Variants in BARHL2 observed in about 807,000 individuals in gnomAD.
BARHL2 encodes the protein BarH like homeobox 2.
In BARHL2, 10 loss-of-function variants were observed where a neutral mutation model predicts 27.1. That is an observed-to-expected ratio of 0.37 (90% CI 0.23 to 0.63). The LOEUF is 0.63. Ranked by LOEUF, BARHL2 falls within the 20% of genes least tolerant of loss-of-function variation. The probability of loss-of-function intolerance (pLI) is 0.65; values close to 1 mark genes in which losing one functional copy is unlikely to be tolerated. For synonymous variants in BARHL2, 248 were observed against 224.7 expected (o/e 1.10, Z -0.93); for missense variants, 483 against 533.5 (o/e 0.91, Z 0.93).
chr1:90,712,434 G>A lies in BARHL2; in HGVS notation c.1042C>T (p.Pro348Ser). 1 of 1,611,682 alleles carries A rather than the reference G, an allele frequency of 6.2e-7. No homozygotes were observed. The highest frequency in any genetic ancestry group is 8.5e-7 in the Non-Finnish European group (1 of 1,178,930). ...AGGGGCCGCTGCAGCTGGGGATGGG[G>A]TGCTGGAGGAGTCCGGTACATGCTG... ...YSSMYRTPPAPHPQLQRPLVP... is the reference protein window; with the variant it reads ...YSSMYRTPPASHPQLQRPLVP... The change falls in exon 3 of 3, where the codon CCC becomes TCC. Residue 348 changes from proline to serine, a missense_variant. Physicochemically the swap from Pro to Ser is moderately conservative, Grantham distance 74. Transcript: ENST00000370445.
At position 90,716,899 on chromosome 1, in the gene BARHL2, C is replaced by T; in HGVS notation, c.297G>A (p.Ala99=). The change falls in exon 1 of 3, where the codon GCG becomes GCA. Residue 99 remains alanine, a synonymous_variant. Transcript: ENST00000370445. ...AAGGCTGCAAACTTTGCGTCGGGGC[C>T]GCGGCCGGCGGCGGCGGCTGCTGGC... ...HHSQQPPPPA[A]APTQSLQPLP... 6.3e-7 allele frequency: 1 copy of T among 1,599,238 alleles called. No individual in the cohort carries two copies. Among genetic ancestry groups the T allele is most frequent in the Non-Finnish European group, 8.5e-7 (1 of 1,174,320 alleles).
In BARHL2 at chr1:90,712,213, A is replaced by T; in HGVS notation, c.*99T>A. ...TCCTCTGCCTTCCAGAGTTGGCTGCAAGGGAGGCCTAGTGGCCTGGAGCAG... is the reference window on the plus strand; with the variant it reads ...TCCTCTGCCTTCCAGAGTTGGCTGCTAGGGAGGCCTAGTGGCCTGGAGCAG... On this transcript the variant is annotated 3_prime_UTR_variant, in exon 3 of 3. Transcript: ENST00000370445. 7.8e-7 allele frequency: 1 copy of T among 1,274,752 alleles called. No homozygotes were observed. The highest frequency in any genetic ancestry group is 1.0e-6 in the Non-Finnish European group (1 of 968,180). 79.0% of individuals were successfully genotyped at this position (1,274,752 alleles called of 1,614,324 possible).
chr1:90,716,638 G>A lies in BARHL2; in HGVS notation c.558C>T (p.Leu186=), dbSNP rs947094557. 1 of 1,614,064 alleles carries A rather than the reference G, an allele frequency of 6.2e-7. No homozygotes were observed. Among genetic ancestry groups the A allele is most frequent in the East Asian group, 2.2e-5 (1 of 44,864 alleles). Residue 186 remains leucine (L), a synonymous_variant, in exon 1 of 3, where the codon CTC becomes CTT. Transcript: ENST00000370445. ...NAVHESFRPK[L]EQEDSKTKLD... is the part of the protein sequence containing the mutation. ...GTTTGGTCTTGCTGTCCTCCTGCTC[G>A]AGCTTTGGCCTGAAGCTCTCGTGCA...
rs1362455404 is a variant in BARHL2 at position 90,717,264 on chromosome 1, C to A, written c.-69G>T. 1 of 1,550,352 alleles carries A rather than the reference C, an allele frequency of 6.5e-7. No homozygotes were observed. On this transcript the variant is annotated 5_prime_UTR_variant, in exon 1 of 3. Coordinates refer to ENST00000370445, the MANE Select transcript of BARHL2 (RefSeq NM_020063.2). ...CGAACCAGCGAAGAAAGCTATCGAT[C>A]GTAAAACAAAATAAACACCAAACAA...
intron 1 of BARHL2, among the ~76,000 whole-genome samples, chr1:90,714,996 C>A (rs1403140036): frequency 6.6e-6 from 1 of 152,066 alleles, no homozygotes; most frequent in Non-Finnish European, 1.5e-5. Flanking sequence ...AAAAGGGTGT[C>A]TGATCTTCAC....
At chr1:90,712,663 G>T in intron 2 of BARHL2, 39 bp from the exon 3 acceptor site, 1 of 1,554,396 alleles carries the variant, frequency 6.4e-7, no homozygotes, top group Non-Finnish European at 8.7e-7. Flanking sequence ...AGCAGCTGTG[G>T]GCATGGTCCA....
rs148688047 is a variant in BARHL2 at position 90,712,821 on chromosome 1, G to A, written c.852-197C>T. 4.6e-5 allele frequency among the ~76,000 whole-genome samples: 7 copies of A among 152,216 alleles called. No individual in the cohort carries two copies. The East Asian group carries it at 1.4e-3, about 29-fold the overall frequency. The stretch of plus-strand genomic sequence containing the variant: ...GCTCCCAGAAAGACCCAAACCCAAA[G>A]CCAGTTTTGTAAATTACACCTTCAG... On this transcript the variant is annotated intron_variant, in intron 2 of 2. Transcript: ENST00000370445.
chr1:90,715,095 C>T (rs1013108046), intron 1 of BARHL2, among the ~76,000 whole-genome samples: 19 of 150,590 alleles, frequency 1.3e-4, no homozygotes, highest in African/African-American at 2.7e-4. Context: ...GAGAGAGATG[C>T]TGTCCCTTTT....
chr1:90,712,084 G>C lies in BARHL2; in HGVS notation c.*228C>G. ...CATTTTCACCAGTCACACTGCTGTG[G>C]GGGAGATTTCCAGCCCTGTTTCTAG... On this transcript the variant is annotated 3_prime_UTR_variant, in exon 3 of 3. Coordinates refer to ENST00000370445, the MANE Select transcript of BARHL2 (RefSeq NM_020063.2). 1 of 419,304 alleles carries C rather than the reference G, an allele frequency of 2.4e-6. No individual in the cohort carries two copies. The allele number at this position is 419,304 out of a possible 1,614,324, so 26.0% of individuals were successfully genotyped here.
rs1353546376 is a variant in BARHL2, at chr1:90,712,377, G to A, written c.1099C>T (p.Pro367Ser). ...VPRVLIHGLG[P>S]GGQPALNPLS... ...GGATTAAGGGCTGGCTGTCCCCCAG[G>A]CCCTAGGCCGTGGATGAGCACACGG... The change falls in exon 3 of 3, where the codon CCT becomes TCT. Residue 367 changes from proline (P) to serine (S), a missense_variant. Physicochemically the swap from Pro to Ser is moderately conservative, Grantham distance 74 (BLOSUM62 -1). Coordinates refer to ENST00000370445, the MANE Select transcript of BARHL2 (RefSeq NM_020063.2). The A allele has an allele frequency of 1.9e-6, 3 of 1,574,700 alleles. No individual in the cohort carries two copies. The highest frequency in any genetic ancestry group is 2.6e-6 in the Non-Finnish European group (3 of 1,158,288).
chr1:90,716,484 C>T, intron 1 of BARHL2, 87 bp downstream of exon 1: 1 of 1,424,886 alleles, frequency 7.0e-7, no homozygotes, highest in Non-Finnish European at 9.9e-7. Context: ...AATCGCTCCC[C>T]AGCAGAGATC....
rs374816489 is a variant in BARHL2, at chr1:90,714,623, C to T, written c.759G>A (p.Arg253=). Residue 253 remains arginine (R), a synonymous_variant, in exon 2 of 3, where the codon CGG becomes CGA. Coordinates refer to ENST00000370445, the MANE Select transcript of BARHL2 (RefSeq NM_020063.2). The part of the protein sequence containing the change: ...QLNQLERSFE[R]QKYLSVQDRM... ...GATCCTGCACGCTCAGGTACTTCTG[C>T]CGCTCAAAGCTACGCTCCAGTTGAT... is the stretch of plus-strand genomic sequence containing the variant. 6.2e-7 allele frequency: 1 copy of T among 1,614,084 alleles called. No homozygotes were observed. Among genetic ancestry groups the T allele is most frequent in the African/African-American group, 1.3e-5 (1 of 74,926 alleles).
chr1:90,712,709 T>C (rs1301690792), intron 2 of BARHL2, 85 bp from the exon 3 acceptor site: 1 of 1,332,684 alleles, frequency 7.5e-7, no homozygotes, highest in African/African-American at 1.5e-5. Flanking sequence ...GGCCCCTTCC[T>C]GCCTCCTCCT....
At chr1:90,714,462 A>C in intron 2 of BARHL2, 69 bp downstream of exon 2, 18 of 1,417,236 alleles carry the variant, frequency 1.3e-5, no homozygotes, top group East Asian at 2.3e-5. Flanking sequence ...CCAGGAGGGA[A>C]GAAGATTGGT....
At chr1:90,713,756 C>T (rs922029670) in intron 2 of BARHL2, among the ~76,000 whole-genome samples, 2 of 152,210 alleles carry the variant, frequency 1.3e-5, no homozygotes, top group African/African-American at 2.4e-5. Flanking sequence ...TTCCACTCTA[C>T]ACTTCGTGGC....
rs765834036 is a variant in BARHL2 at position 90,712,415 on chromosome 1, C to T, written c.1061G>A (p.Arg354Gln). The change falls in exon 3 of 3, where the codon CGG (arginine) becomes CAG (glutamine). Residue 354 changes from arginine to glutamine, a missense_variant. Physicochemically the swap from Arg to Gln is conservative, Grantham distance 43. Coordinates refer to ENST00000370445, the MANE Select transcript of BARHL2 (RefSeq NM_020063.2). Reference sequence around the variant, plus strand: ...GATGAGCACACGGGGCACCAGGGGCCGCTGCAGCTGGGGATGGGGTGCTGG... The same window carrying T: ...GATGAGCACACGGGGCACCAGGGGCTGCTGCAGCTGGGGATGGGGTGCTGG... ...TPPAPHPQLQ[R>Q]PLVPRVLIHG... 18 of 1,606,474 alleles carry T rather than the reference C, an allele frequency of 1.1e-5. No homozygotes were observed. The highest frequency in any genetic ancestry group is 7.8e-5 in the South Asian group (7 of 89,934).
intron 2 of BARHL2, among the ~76,000 whole-genome samples, chr1:90,713,719 C>A (rs1284697659): frequency 6.6e-6 from 1 of 152,180 alleles, no homozygotes; most frequent in Non-Finnish European, 1.5e-5. Context: ...GAAAACACAG[C>A]AAAACCTCTG....
rs776330330 is a variant in BARHL2 at position 90,714,718 on chromosome 1, G to A, written c.664C>T (p.Arg222Cys). 4.3e-6 allele frequency: 7 copies of A among 1,614,024 alleles called. No homozygotes were observed. The highest frequency in any genetic ancestry group is 1.7e-5 in the Admixed American group (1 of 60,004). Residue 222 changes from arginine to cysteine, a missense_variant, in exon 2 of 3, where the codon CGT becomes TGT. This residue lies in a region of BARHL2 where 49 missense variants were observed against 110.6 expected (regional missense o/e 0.44). Transcript: ENST00000370445. Reference protein sequence around the residue: ...EEGDREITSSRESPPVRAKKP... With the variant: ...EEGDREITSSCESPPVRAKKP... ...TTGGCTCTCACAGGGGGACTCTCAC[G>A]GCTACTCGTAATCTCCCGGTCTCCT...
Position 90,711,956 on chromosome 1 carries a change from C to G in BARHL2, c.*356G>C, listed in dbSNP as rs1018588525. Reference sequence around the variant, plus strand: ...TTTCTTCCCTCCTTAGCCCTCCCCCCTCCCTCCCTCCTGCTTGTCCCTAAA... The same window carrying G: ...TTTCTTCCCTCCTTAGCCCTCCCCCGTCCCTCCCTCCTGCTTGTCCCTAAA... On this transcript the variant is annotated 3_prime_UTR_variant, in exon 3 of 3. Coordinates refer to ENST00000370445, the MANE Select transcript of BARHL2 (RefSeq NM_020063.2). 1 of 158,414 alleles carries G rather than the reference C, an allele frequency of 6.3e-6. No individual in the cohort carries two copies. The highest frequency in any genetic ancestry group is 1.4e-5 in the Non-Finnish European group (1 of 73,696). The allele number at this position is 158,414 out of a possible 1,614,324, so 9.8% of individuals were successfully genotyped here.
Sources: gnomAD v4.1 joint callset for allele counts (sites outside exome capture counted in the v4.1 genomes callset) on GRCh38, gnomAD v4.1.1 for gene constraint, gnomAD v4.1.1 regional missense constraint, MANE v1.5 for transcripts, NCBI Gene and HGNC (gene_info 2026-07-23, HGNC 2026-07-21) for gene names.